Variants in EPB41L5 observed in about 807,000 individuals in gnomAD.
EPB41L5 encodes band 4.1-like protein 5.
A neutral mutation model predicts 106.6 loss-of-function variants in EPB41L5; 55 were observed. The ratio of observed to expected loss-of-function variants is 0.52; its 90% confidence interval spans 0.42 to 0.65. The LOEUF is 0.65. EPB41L5 is among the 30% of genes least tolerant of loss of function. The pLI is 0.00. For synonymous variants in EPB41L5, 297 were observed against 306.7 expected, an observed-to-expected ratio of 0.97 and a Z score of 0.33; for missense variants, 871 against 882.1, an observed-to-expected ratio of 0.99 and a Z score of 0.16.
Position 120,167,492 on chromosome 2 carries a change from C to A in EPB41L5, c.1989C>A (p.Pro663=). The A allele has an allele frequency of 1.2e-6, 2 of 1,613,892 alleles. No homozygotes were observed. The highest frequency in any genetic ancestry group is 2.2e-5 in the South Asian group (2 of 91,044). ...TGTCTTCCACATCCATGATCACACCCCGGTGGATTGTTCCGGTAAGTTCAT... is the reference window on the plus strand; with the variant it reads ...TGTCTTCCACATCCATGATCACACCACGGTGGATTGTTCCGGTAAGTTCAT... The part of the protein sequence containing the change: ...PQVSSTSMIT[P]RWIVPQSGAM... The change falls in exon 23 of 25, where the codon CCC becomes CCA. Residue 663 remains proline (P), a synonymous_variant. Coordinates refer to ENST00000263713, the MANE Select transcript of EPB41L5 (RefSeq NM_020909.4).
At chr2:120,107,975 G>A (rs1453262898) in intron 16 of EPB41L5, among the ~76,000 whole-genome samples, 1 of 152,082 alleles carries the variant, frequency 6.6e-6, no homozygotes, top group Non-Finnish European at 1.5e-5. Flanking sequence ...AAAAGAATGA[G>A]TGAAGAGAAG....
chr2:120,060,609 A>G (rs1466012433), intron 3 of EPB41L5, among the ~76,000 whole-genome samples: 1 of 152,188 alleles, frequency 6.6e-6, no homozygotes, highest in African/African-American at 2.4e-5. Context: ...AGGGTTAGGG[A>G]TATTGGCGTT....
chr2:120,098,289 A>G (rs1683902693), intron 14 of EPB41L5, among the ~76,000 whole-genome samples: 1 of 151,772 alleles, frequency 6.6e-6, no homozygotes, highest in Non-Finnish European at 1.5e-5. Context: ...GGCTCACTGT[A>G]GCCTCAACCT....
intron 2 of EPB41L5, among the ~76,000 whole-genome samples, chr2:120,026,262 G>A (rs1362634662): frequency 2.0e-5 from 3 of 152,196 alleles, no homozygotes; most frequent in Non-Finnish European, 2.9e-5. Flanking sequence ...TGTATATAAT[G>A]TGTAAATGAT....
At chr2:120,042,998 TGTGTGTGTGTGTGTGTGTGTGTGTGTGTG>T (rs1679505067) in intron 3 of EPB41L5, among the ~76,000 whole-genome samples, 2 of 127,582 alleles carry the variant, frequency 1.6e-5, no homozygotes, top group Admixed American at 7.6e-5. Flanking sequence ...TCTGGAAATG[TGTGTGTGTGTGTGTGTGTGTGTGTGTGTG>T]TGTGTGTGTG....
intron 24 of EPB41L5, among the ~76,000 whole-genome samples, chr2:120,172,822 A>G (rs1329964152): frequency 3.3e-5 from 5 of 152,196 alleles, no homozygotes. Flanking sequence ...AGGAGGATAT[A>G]GAGTTGCAGA....
intron 3 of EPB41L5, among the ~76,000 whole-genome samples, chr2:120,054,135 T>C (rs1456716601): frequency 3.3e-5 from 5 of 152,224 alleles, no homozygotes; most frequent in Non-Finnish European, 7.3e-5. Context: ...GTGGTTTCGA[T>C]TTGCATTTCC....
intron 16 of EPB41L5, among the ~76,000 whole-genome samples, chr2:120,111,344 C>T (rs1028243764): frequency 6.6e-6 from 1 of 152,082 alleles, no homozygotes; most frequent in African/African-American, 2.4e-5. Flanking sequence ...GCAGTTTTTC[C>T]CATCTTTGTG....
intron 6 of EPB41L5, 36 bp downstream of exon 6, chr2:120,075,556 T>C (rs1451786180): frequency 6.7e-7 from 1 of 1,484,850 alleles, no homozygotes; most frequent in East Asian, 2.3e-5. Context: ...ATGCACATTT[T>C]CGTGAGTGGT....
intron 16 of EPB41L5, among the ~76,000 whole-genome samples, chr2:120,109,255 C>G (rs913659295): frequency 8.5e-5 from 13 of 152,178 alleles, no homozygotes; most frequent in African/African-American, 2.9e-4. Context: ...ATTTTGACCA[C>G]TAAGCTCAAG....
chr2:120,112,502 A>G (rs887741744), intron 16 of EPB41L5, among the ~76,000 whole-genome samples: 4 of 152,206 alleles, frequency 2.6e-5, no homozygotes, highest in African/African-American at 9.6e-5. Flanking sequence ...AAACAGTTTT[A>G]CAAATAACTG....
intron 24 of EPB41L5, among the ~76,000 whole-genome samples, chr2:120,169,350 A>G (rs1369671581): frequency 6.6e-6 from 1 of 152,216 alleles, no homozygotes; most frequent in East Asian, 1.9e-4. Flanking sequence ...TTCTGGATGG[A>G]TTGCAGATCT....
chr2:120,175,905 C>T lies in EPB41L5; in HGVS notation c.*998C>T, dbSNP rs1471128409. On this transcript the variant is annotated 3_prime_UTR_variant, in exon 25 of 25. Transcript: ENST00000263713. ...ACAAATACACCAAGACCAAAATAGGCAATAGGAACAGGGGTGAAGGGATGT... is the reference window on the plus strand; with the variant it reads ...ACAAATACACCAAGACCAAAATAGGTAATAGGAACAGGGGTGAAGGGATGT... 6.6e-6 allele frequency: 1 copy of T among 151,972 alleles called. No homozygotes were observed. The highest frequency in any genetic ancestry group is 1.5e-5 in the Non-Finnish European group (1 of 67,998). 9.4% of individuals were successfully genotyped at this position (151,972 alleles called of 1,614,324 possible).
intron 14 of EPB41L5, 34 bp from the exon 15 acceptor site, chr2:120,100,210 A>G: frequency 6.3e-7 from 1 of 1,577,484 alleles, no homozygotes; most frequent in Non-Finnish European, 8.7e-7. Context: ...AATTTCATAT[A>G]GGGTTTTTAA....
In EPB41L5 at chr2:120,126,223, A is replaced by G. The variant is rs147866052; in HGVS notation, c.1338-1465A>G. Among the ~76,000 whole-genome samples, 116 of 152,276 alleles carry G rather than the reference A, an allele frequency of 7.6e-4. No homozygotes were observed. In the East Asian group the frequency reaches 8.5e-3, roughly 11 times the overall value. ...CTTTGGATAACTAGCCCCTTATCAG[A>G]TACATGATTTGCAAAAATTTCCCCC... On this transcript the variant is annotated intron_variant, in intron 16 of 24. Transcript: ENST00000263713.
chr2:120,161,099 C>G, intron 21 of EPB41L5, 125 bp downstream of exon 21: 1 of 708,990 alleles, frequency 1.4e-6, no homozygotes, highest in Non-Finnish European at 2.5e-6. Flanking sequence ...GAAGAGCAGC[C>G]GAGCACAGGG....
chr2:120,082,170 G>A (rs1439088128), intron 10 of EPB41L5, among the ~76,000 whole-genome samples: 1 of 152,102 alleles, frequency 6.6e-6, no homozygotes, highest in African/African-American at 2.4e-5. Flanking sequence ...GTGAGAGAGG[G>A]CATCCCTGTC....
chr2:120,015,111 C>A (rs1489691655), intron 1 of EPB41L5, among the ~76,000 whole-genome samples: 6 of 151,148 alleles, frequency 4.0e-5, no homozygotes, highest in African/African-American at 1.5e-4. Flanking sequence ...ATCACGAGGT[C>A]AGGAGATGGA....
chr2:120,104,226 A>G, intron 16 of EPB41L5: 18 of 1,535,752 alleles, frequency 1.2e-5, no homozygotes, highest in Non-Finnish European at 1.6e-5. Context: ...CCATACAGCC[A>G]TGACTGAGAT....
Sources: gnomAD v4.1 joint callset for allele counts (sites outside exome capture counted in the v4.1 genomes callset) on GRCh38, gnomAD v4.1.1 for gene constraint, MANE v1.5 for transcripts, NCBI Gene and HGNC (gene_info 2026-07-23, HGNC 2026-07-21) for gene names.